The following WDR72 variants were observed in gnomAD, a reference collection of about 807,000 sequenced individuals.
WDR72 encodes WD repeat domain 72, also known as WD repeat-containing protein 72.
Under a neutral mutation model 124.2 loss-of-function variants are expected in WDR72, and 120 were observed. The observed-to-expected ratio is 0.97, with a 90% confidence interval of 0.83 to 1.12. The LOEUF is 1.12. Ranked by LOEUF, WDR72 falls within the 50% of genes most tolerant of loss-of-function variation. WDR72 has a pLI of 0.00. For synonymous variants in WDR72, 452 were observed against 441.7 expected, an observed-to-expected ratio of 1.02 and a Z score of -0.29; for missense variants, 1,387 against 1,278.8, an observed-to-expected ratio of 1.08 and a Z score of -1.29.
chr15:53,518,004 T>G (rs1427849083), intron 19 of WDR72, among the ~76,000 whole-genome samples: 1 of 152,060 alleles, frequency 6.6e-6, no homozygotes, highest in African/African-American at 2.4e-5. Context: ...GTAAATACAC[T>G]TTAATTGCAC....
At chr15:53,676,288 C>T (rs690157) in intron 13 of WDR72, among the ~76,000 whole-genome samples, 7,454 of 152,174 alleles carry the variant, frequency 0.049, 641 homozygotes, top group African/African-American at 0.17. Flanking sequence ...GATAGGATGG[C>T]CCTCCAGTGA....
intron 5 of WDR72, 126 bp downstream of exon 5, chr15:53,715,067 C>T: frequency 3.8e-6 from 4 of 1,047,816 alleles, no homozygotes; most frequent in South Asian, 3.1e-5. Flanking sequence ...ACAGACATAT[C>T]CTCATTAACA....
intron 14 of WDR72, among the ~76,000 whole-genome samples, chr15:53,646,275 T>C (rs911442322): frequency 6.6e-6 from 1 of 152,138 alleles, no homozygotes; most frequent in East Asian, 1.9e-4. Context: ...TGCTGGATTG[T>C]TTGAAATTTT....
intron 9 of WDR72, among the ~76,000 whole-genome samples, chr15:53,706,805 T>C (rs2140535428): frequency 6.6e-6 from 1 of 152,162 alleles, no homozygotes; most frequent in East Asian, 1.9e-4. Context: ...TAATTTATAA[T>C]GGTGTGTATA....
intron 1 of WDR72, among the ~76,000 whole-genome samples, chr15:53,746,366 C>G (rs189556769): frequency 2.2e-4 from 33 of 152,286 alleles, no homozygotes; most frequent in African/African-American, 7.7e-4. Flanking sequence ...GCTTTACCAA[C>G]CTCACAAACA....
At chr15:53,594,861 G>A (rs1174458393) in intron 18 of WDR72, among the ~76,000 whole-genome samples, 1 of 146,592 alleles carries the variant, frequency 6.8e-6, no homozygotes, top group East Asian at 2.0e-4. Context: ...AACATTTCCT[G>A]TAATTTTACT....
intron 17 of WDR72, among the ~76,000 whole-genome samples, chr15:53,608,263 G>A (rs1380100567): frequency 6.6e-6 from 1 of 152,086 alleles, no homozygotes; most frequent in Non-Finnish European, 1.5e-5. Flanking sequence ...GTATTTGGAA[G>A]CAATTAAGTA....
upstream of WDR72, among the ~76,000 whole-genome samples, chr15:53,760,791 A>G (rs973162117): frequency 1.3e-5 from 2 of 152,226 alleles, no homozygotes; most frequent in Admixed American, 6.5e-5. Context: ...TAAAGAGCTT[A>G]AACAACTCAA....
rs922885277 is a variant in WDR72 at position 53,699,364 on chromosome 15, T to C, written c.1765+386A>G. Among the ~76,000 whole-genome samples the C allele has an allele frequency of 3.3e-5, 5 of 152,242 alleles. 1 individual carries two copies. The South Asian group carries it at 1.0e-3, about 32-fold the overall frequency. On this transcript the variant is annotated intron_variant, in intron 13 of 19. Coordinates refer to ENST00000360509, the MANE Select transcript of WDR72 (RefSeq NM_182758.4). ...ATTAATTATATTCCATTATTACTGATCATCAATTAGCTCAAAATGTTGCTG... is the reference window on the plus strand; with the variant it reads ...ATTAATTATATTCCATTATTACTGACCATCAATTAGCTCAAAATGTTGCTG...
At chr15:53,754,684 T>C (rs2018855922) in intron 1 of WDR72, among the ~76,000 whole-genome samples, 1 of 152,170 alleles carries the variant, frequency 6.6e-6, no homozygotes, top group Non-Finnish European at 1.5e-5. Context: ...ACCTTGTTTG[T>C]ATTTCTTGGA....
chr15:53,731,920 C>T (rs1251790382), intron 2 of WDR72, among the ~76,000 whole-genome samples: 2 of 152,114 alleles, frequency 1.3e-5, no homozygotes, highest in African/African-American at 2.4e-5. Flanking sequence ...ATTTCTTAAG[C>T]TTATAGTGAC....
rs368092923 is a variant in WDR72 at position 53,732,996 on chromosome 15, C to G, written c.153+1G>C. ...TTTCAATATCAGTAGCTTTCACTAA[C>G]CTTTAGTTCATGTGAGAGATTCCAG... is the stretch of plus-strand genomic sequence containing the variant. On this transcript the variant is annotated splice_donor_variant, in intron 2 of 19. Coordinates refer to ENST00000360509, the MANE Select transcript of WDR72 (RefSeq NM_182758.4). LOFTEE classifies it high-confidence loss of function. 1.2e-6 allele frequency: 2 copies of G among 1,614,018 alleles called. No homozygotes were observed. Among genetic ancestry groups the G allele is most frequent in the Non-Finnish European group, 1.7e-6 (2 of 1,179,936 alleles).
intron 14 of WDR72, among the ~76,000 whole-genome samples, chr15:53,649,882 T>C (rs1019181923): frequency 3.9e-5 from 6 of 152,108 alleles, no homozygotes; most frequent in African/African-American, 1.4e-4. Context: ...AAAAACAGCA[T>C]GGAGGTTCCT....
intron 18 of WDR72, among the ~76,000 whole-genome samples, chr15:53,540,075 T>A (rs934014457): frequency 1.3e-5 from 2 of 152,132 alleles, no homozygotes; most frequent in Non-Finnish European, 2.9e-5. Context: ...CAATTCACAA[T>A]GGAGGTATTT....
Position 53,714,394 on chromosome 15 carries a change from T to C in WDR72, c.591+40A>G, listed in dbSNP as rs541368087. 8 of 1,503,822 alleles carry C rather than the reference T, an allele frequency of 5.3e-6. No homozygotes were observed. The East Asian group carries it at 1.6e-4, about 30-fold the overall frequency. 93.2% of individuals were successfully genotyped at this position (1,503,822 alleles called of 1,614,324 possible). The stretch of plus-strand genomic sequence containing the variant: ...ATTTATAAATTTTAATGAATATGCT[T>C]GAAATTGTAAGGAAAAAAGAGTAGG... On this transcript the variant is annotated intron_variant, in intron 6 of 19. Transcript: ENST00000360509.
intron 1 of WDR72, among the ~76,000 whole-genome samples, chr15:53,753,602 G>A (rs2018826184): frequency 6.6e-6 from 1 of 152,122 alleles, no homozygotes; most frequent in South Asian, 2.1e-4. Context: ...GCCAAGATAA[G>A]CCCCACCTCT....
rs1198097733 is a variant in WDR72 at position 53,514,027 on chromosome 15, T to A, written c.*3672A>T. The A allele has an allele frequency of 1.3e-5, 2 of 152,326 alleles. No individual in the cohort carries two copies. The highest frequency in any genetic ancestry group is 4.1e-4 in the South Asian group (2 of 4,830). 9.4% of individuals were successfully genotyped at this position (152,326 alleles called of 1,614,324 possible). ...AGGCTCCTTCTTGAGCAAACTACAGTGCGAGGTGATCTGGGGACTATTGTA... is the reference window on the plus strand; with the variant it reads ...AGGCTCCTTCTTGAGCAAACTACAGAGCGAGGTGATCTGGGGACTATTGTA... On this transcript the variant is annotated 3_prime_UTR_variant, in exon 20 of 20. Coordinates refer to ENST00000360509, the MANE Select transcript of WDR72 (RefSeq NM_182758.4).
At chr15:53,537,284 A>G (rs1351090989) in intron 18 of WDR72, among the ~76,000 whole-genome samples, 2 of 152,122 alleles carry the variant, frequency 1.3e-5, no homozygotes, top group Non-Finnish European at 2.9e-5. Context: ...GACATTGTAT[A>G]ATTATTAGAT....
At chr15:53,695,320 T>G (rs528889501) in intron 13 of WDR72, among the ~76,000 whole-genome samples, 5 of 152,320 alleles carry the variant, frequency 3.3e-5, no homozygotes, top group African/African-American at 1.2e-4. Context: ...TCAGAATTAT[T>G]TTAAATTCAA....
Sources: gnomAD v4.1 joint callset for allele counts (sites outside exome capture counted in the v4.1 genomes callset) on GRCh38, gnomAD v4.1.1 for gene constraint, MANE v1.5 for transcripts, NCBI Gene and HGNC (gene_info 2026-07-23, HGNC 2026-07-21) for gene names.